PIEZO2: variants seen among roughly 807,000 people sequenced by gnomAD.
The protein encoded by PIEZO2 is piezo-type mechanosensitive ion channel component 2.
In PIEZO2, 172 loss-of-function variants were observed where a neutral mutation model predicts 337.3. The ratio of observed to expected loss-of-function variants is 0.51; its 90% CI spans 0.45 to 0.58. The LOEUF (loss-of-function observed/expected upper bound fraction) is 0.58. PIEZO2 is among the 20% of genes least tolerant of loss of function. The pLI, the probability that PIEZO2 is intolerant of heterozygous loss-of-function variation, is 0.00. For missense variants in PIEZO2, 3,028 were observed against 3,391.3 expected, an observed-to-expected ratio of 0.89 and a Z score of 2.66; for synonymous variants, 1,251 against 1,228.5, an observed-to-expected ratio of 1.02 and a Z score of -0.38.
intron 3 of PIEZO2, among the ~76,000 whole-genome samples, chr18:10,963,247 T>G (rs544134504): frequency 6.6e-6 from 1 of 151,602 alleles, no homozygotes; most frequent in East Asian, 1.9e-4. Flanking sequence ...ACTGCGCCAC[T>G]GCACTCCAGC....
At chr18:10,695,999 A>G (rs184503638) in intron 47 of PIEZO2, 75 bp downstream of exon 47, 3 of 1,387,304 alleles carry the variant, frequency 2.2e-6, no homozygotes, top group African/African-American at 1.4e-5. Flanking sequence ...CTGCTGTGCA[A>G]TGCATGCGAG....
Position 10,859,786 on chromosome 18 carries a change from G to C in PIEZO2, c.493-2575C>G, listed in dbSNP as rs1212276160. Among the ~76,000 whole-genome samples, 3 of 152,214 alleles carry C rather than the reference G, an allele frequency of 2.0e-5. No individual in the cohort carries two copies. On this transcript the variant is annotated intron_variant, in intron 5 of 55. Coordinates refer to ENST00000674853, the MANE Select transcript of PIEZO2 (RefSeq NM_001378183.1). This position sits in a 1 kb window ranked among gnomAD's most constrained non-coding sequence, Gnocchi z 4.9. Reference sequence around the variant, plus strand: ...ACTCCGTCTAATGAGAGGCACACATGATTTGCTTTGCCACATAACTCTAGT... The same window carrying C: ...ACTCCGTCTAATGAGAGGCACACATCATTTGCTTTGCCACATAACTCTAGT...
intron 48 of PIEZO2, 88 bp from the exon 49 acceptor site, chr18:10,689,890 G>T: frequency 6.9e-7 from 1 of 1,456,520 alleles, no homozygotes. Context: ...TTCCTTAACT[G>T]CTTTAACCTC....
rs181706243 is a variant in PIEZO2 at position 10,964,298 on chromosome 18, A to T, written c.286+15237T>A. ...AATTCTGAGTGTATAGCACTGAAGCAATAAGAAAAAATAGGGACAATGGAT... is the reference window on the plus strand; with the variant it reads ...AATTCTGAGTGTATAGCACTGAAGCTATAAGAAAAAATAGGGACAATGGAT... On this transcript the variant is annotated intron_variant, in intron 3 of 55. Transcript: ENST00000674853. 6.6e-5 allele frequency among the ~76,000 whole-genome samples: 10 copies of T among 152,342 alleles called. No homozygotes were observed. In the East Asian group the frequency reaches 1.9e-3, roughly 29 times the overall value.
chr18:10,756,931 G>C (rs1372617968), intron 27 of PIEZO2, among the ~76,000 whole-genome samples: 1 of 79,642 alleles, frequency 1.3e-5, no homozygotes, highest in East Asian at 5.2e-4. Flanking sequence ...AGGGATGGAG[G>C]AGGAGAAGCA....
rs1483865754 is a variant in PIEZO2, at chr18:11,003,024, C to T, written c.161-23364G>A. 1.3e-5 allele frequency among the ~76,000 whole-genome samples: 2 copies of T among 152,194 alleles called. No individual in the cohort carries two copies. The highest frequency in any genetic ancestry group is 2.1e-4 in the South Asian group (1 of 4,830). On this transcript the variant is annotated intron_variant, in intron 2 of 55. Transcript: ENST00000674853. The surrounding 1 kb of genome is among the most constrained non-coding windows in gnomAD (Gnocchi z 4.6). ...GCTTCCTCCTTGAATGACCAACATC[C>T]GTTGCATGAGGTCAAGGACAGCCTT...
chr18:10,963,581 T>G (rs1031922904), intron 3 of PIEZO2, among the ~76,000 whole-genome samples: 1 of 152,222 alleles, frequency 6.6e-6, no homozygotes, highest in Non-Finnish European at 1.5e-5. Flanking sequence ...TTCTCCCAAA[T>G]AGATGGCAGT....
At chr18:10,733,676 C>A (rs1433030352) in intron 35 of PIEZO2, among the ~76,000 whole-genome samples, 1 of 152,144 alleles carries the variant, frequency 6.6e-6, no homozygotes, top group Non-Finnish European at 1.5e-5. Context: ...TCTCGATCTC[C>A]TGACCTCGTG....
rs2038588221 is a variant in PIEZO2 at position 11,077,540 on chromosome 18, C to T, written c.65-11318G>A. ...AAAAAACTAGCTGGGCATGGTGGTG[C>T]ATGCCTATAGTCCCAGCTACTCTAC... On this transcript the variant is annotated intron_variant, in intron 1 of 55. Coordinates refer to ENST00000674853, the MANE Select transcript of PIEZO2 (RefSeq NM_001378183.1). This position sits in a 1 kb window ranked among gnomAD's most constrained non-coding sequence, Gnocchi z 4.8. Among the ~76,000 whole-genome samples, 1 of 152,132 alleles carries T rather than the reference C, an allele frequency of 6.6e-6. No homozygotes were observed. The highest frequency in any genetic ancestry group is 1.5e-5 in the Non-Finnish European group (1 of 68,022).
chr18:10,855,939 A>C lies in PIEZO2; in HGVS notation c.704-373T>G, dbSNP rs979955821. Among the ~76,000 whole-genome samples the C allele has an allele frequency of 6.6e-6, 1 of 151,686 alleles. No homozygotes were observed. The highest frequency in any genetic ancestry group is 1.9e-4 in the East Asian group (1 of 5,202). On this transcript the variant is annotated intron_variant, in intron 6 of 55. Transcript: ENST00000674853. The surrounding 1 kb of genome is among the most constrained non-coding windows in gnomAD (Gnocchi z 4.9). ...ATTCATGTATCTGTATGTCTGTTCC[A>C]ACCTTTCCTGACACCATTTTCTTTA...
At chr18:10,757,680 C>A (rs1301541544) in intron 27 of PIEZO2, among the ~76,000 whole-genome samples, 1 of 151,636 alleles carries the variant, frequency 6.6e-6, no homozygotes, top group South Asian at 2.1e-4. Flanking sequence ...AGCAGGAGGA[C>A]CCTCCACTGG....
At chr18:11,055,356 G>A (rs748296468) in intron 2 of PIEZO2, among the ~76,000 whole-genome samples, 4 of 152,094 alleles carry the variant, frequency 2.6e-5, no homozygotes, top group East Asian at 3.9e-4. Flanking sequence ...TGGATTTGTC[G>A]CACAAATAAT....
chr18:10,965,856 A>G (rs1022421920), intron 3 of PIEZO2, among the ~76,000 whole-genome samples: 1 of 152,178 alleles, frequency 6.6e-6, no homozygotes, highest in African/African-American at 2.4e-5. Flanking sequence ...TCTACTTTTC[A>G]CCCAGGTTTG....
chr18:11,088,763 T>A (rs772764819), intron 1 of PIEZO2, among the ~76,000 whole-genome samples: 1 of 152,150 alleles, frequency 6.6e-6, no homozygotes, highest in Non-Finnish European at 1.5e-5. Context: ...TCAACCCCCA[T>A]TGGCTAAACC....
intron 5 of PIEZO2, among the ~76,000 whole-genome samples, chr18:10,866,426 C>T (rs904920471): frequency 1.5e-4 from 23 of 152,044 alleles, no homozygotes; most frequent in African/African-American, 5.3e-4. Context: ...GGTGGGACTA[C>T]AGGCACCCGC....
At chr18:10,792,366 A>T (rs72986052) in intron 13 of PIEZO2, among the ~76,000 whole-genome samples, 43,214 of 152,140 alleles carry the variant, frequency 0.28, 7,170 homozygotes, top group Middle Eastern at 0.41. Context: ...TTGTGCAACC[A>T]TCACTGCAAT....
Position 10,699,065 on chromosome 18 carries a change from T to A in PIEZO2, c.6554A>T (p.Lys2185Met). 6.5e-7 allele frequency: 1 copy of A among 1,537,218 alleles called. No homozygotes were observed. Among genetic ancestry groups the A allele is most frequent in the African/African-American group, 1.4e-5 (1 of 73,174 alleles). ...HGRRDSSDSL[K>M]SINLAASVES... The stretch of plus-strand genomic sequence containing the variant: ...CACAGACGCGGCCAGGTTGATGGAC[T>A]TGAGAGAATCGGAGGAGTCCCTCCT... Residue 2185 changes from lysine (K) to methionine (M), a missense_variant, in exon 44 of 56, where the codon AAG becomes ATG. Lys to Met is a moderately conservative substitution (Grantham distance 95). Transcript: ENST00000674853.
intron 2 of PIEZO2, among the ~76,000 whole-genome samples, chr18:11,023,484 C>A (rs2036393903): frequency 6.6e-6 from 1 of 152,192 alleles, no homozygotes; most frequent in South Asian, 2.1e-4. Flanking sequence ...TGTTTACAAA[C>A]CTTGAGCTAG....
chr18:10,757,091 T>C (rs1037825711), intron 27 of PIEZO2, among the ~76,000 whole-genome samples: 2 of 124,812 alleles, frequency 1.6e-5, no homozygotes, highest in African/African-American at 6.8e-5. Context: ...GGAGGAGGAA[T>C]GGAGGATGGG....
Sources: allele counts gnomAD v4.1 joint callset (sites outside exome capture counted in the v4.1 genomes callset), GRCh38; gene constraint gnomAD v4.1.1; non-coding constraint Gnocchi (gnomAD v3.1); transcripts MANE v1.5; gene names NCBI Gene and HGNC (gene_info 2026-07-23, HGNC 2026-07-21).